Variants in DLG2 observed in about 807,000 individuals in gnomAD.
DLG2 encodes the protein discs large MAGUK scaffold protein 2.
A neutral mutation model predicts 132.5 loss-of-function variants in DLG2; 45 were observed. The ratio of observed to expected loss-of-function variants is 0.34; its 90% CI spans 0.27 to 0.44. The LOEUF is 0.44. Ranked by LOEUF, DLG2 falls within the 20% of genes least tolerant of loss-of-function variation. DLG2 has a pLI of 1.00. For synonymous variants in DLG2, 424 were observed against 419.6 expected, an observed-to-expected ratio of 1.01 and a Z score of -0.13; for missense variants, 1,045 against 1,196.9, an observed-to-expected ratio of 0.87 and a Z score of 1.87.
intron 5 of DLG2, among the ~76,000 whole-genome samples, chr11:85,128,424 A>G (rs190314626): frequency 4.7e-4 from 71 of 152,316 alleles, no homozygotes; most frequent in Admixed American, 9.2e-4. Flanking sequence ...GAAAAAGACA[A>G]TGGTGGCCAA....
In DLG2 at chr11:85,356,039, A is replaced by G. The variant is rs1596480971; in HGVS notation, c.41-70674T>C. ...TTTAGACCCAGAGCTTAGAGATGAA[A>G]GAATCTGAATCTCATTTTAAACTGC... On this transcript the variant is annotated intron_variant, in intron 3 of 27. Coordinates refer to ENST00000376104, the MANE Select transcript of DLG2 (RefSeq NM_001142699.3). Among the ~76,000 whole-genome samples the G allele has an allele frequency of 4.6e-5, 7 of 152,346 alleles. No individual in the cohort carries two copies. The South Asian group carries it at 1.4e-3, about 32-fold the overall frequency.
At chr11:83,768,684 G>T (rs1419953324) in intron 18 of DLG2, among the ~76,000 whole-genome samples, 1 of 152,184 alleles carries the variant, frequency 6.6e-6, no homozygotes, top group Non-Finnish European at 1.5e-5. Flanking sequence ...AGCACAACGT[G>T]GCTCAGCAGA....
chr11:84,861,788 T>C (rs1378721270), intron 6 of DLG2, among the ~76,000 whole-genome samples: 1 of 151,432 alleles, frequency 6.6e-6, no homozygotes, highest in African/African-American at 2.4e-5. Flanking sequence ...CATCAAAAAG[T>C]GGGCAAAGAA....
intron 6 of DLG2, among the ~76,000 whole-genome samples, chr11:84,909,100 T>G (rs535178919): frequency 2.6e-5 from 4 of 152,218 alleles, no homozygotes; most frequent in African/African-American, 7.2e-5. Flanking sequence ...ATTTCTTTTC[T>G]CGTCTTTGAA....
intron 8 of DLG2, among the ~76,000 whole-genome samples, chr11:84,240,497 TCAAAAGAGCC>T (rs1438922662): frequency 6.6e-6 from 1 of 152,162 alleles, no homozygotes; most frequent in Non-Finnish European, 1.5e-5. Context: ...TATGGTTGAA[TCAAAAGAGCC>T]CAGACTCCAT....
At chr11:84,357,889 C>G (rs1044568209) in intron 7 of DLG2, among the ~76,000 whole-genome samples, 10 of 151,698 alleles carry the variant, frequency 6.6e-5, no homozygotes, top group Non-Finnish European at 1.3e-4. Flanking sequence ...TCTTAATGTA[C>G]AGGAGGGTTA....
chr11:85,568,760 C>T lies in DLG2; in HGVS notation c.40+29897G>A, dbSNP rs544655321. On this transcript the variant is annotated intron_variant, in intron 3 of 27. Coordinates refer to ENST00000376104, the MANE Select transcript of DLG2 (RefSeq NM_001142699.3). Reference sequence around the variant, plus strand: ...TTCTGTAAGATCATTGTAAAGCTCACACTTTCAATCCTGATTTTAGTTATT... The same window carrying T: ...TTCTGTAAGATCATTGTAAAGCTCATACTTTCAATCCTGATTTTAGTTATT... 3.9e-5 allele frequency among the ~76,000 whole-genome samples: 6 copies of T among 152,024 alleles called. No individual in the cohort carries two copies. The South Asian group carries it at 1.0e-3, about 26-fold the overall frequency.
At chr11:85,385,726 G>A (rs1489042477) in intron 3 of DLG2, among the ~76,000 whole-genome samples, 1 of 152,136 alleles carries the variant, frequency 6.6e-6, no homozygotes, top group East Asian at 1.9e-4. Flanking sequence ...CTCCCCTGAG[G>A]CCAGAAGGGA....
chr11:83,652,463 T>A (rs768014341), intron 18 of DLG2, among the ~76,000 whole-genome samples: 21 of 152,104 alleles, frequency 1.4e-4, no homozygotes, highest in Non-Finnish European at 2.6e-4. Context: ...CTCCGCCTCC[T>A]GGGTTCAAGC....
chr11:84,040,472 T>C (rs1013593527), intron 11 of DLG2, among the ~76,000 whole-genome samples: 4 of 151,086 alleles, frequency 2.6e-5, no homozygotes, highest in African/African-American at 9.6e-5. Flanking sequence ...ATTTATTAAA[T>C]AGGGAATCCT....
chr11:84,692,750 G>A (rs958032502), intron 6 of DLG2, among the ~76,000 whole-genome samples: 3 of 151,624 alleles, frequency 2.0e-5, no homozygotes, highest in African/African-American at 7.3e-5. Context: ...TGGCCACTAT[G>A]TTAGGTTTAA....
chr11:84,853,024 G>A (rs1256891234), intron 6 of DLG2, among the ~76,000 whole-genome samples: 1 of 151,916 alleles, frequency 6.6e-6, no homozygotes, highest in Non-Finnish European at 1.5e-5. Flanking sequence ...TATGTTCCAG[G>A]TGCTTCACAC....
At chr11:83,836,070 T>C (rs2056086879) in intron 16 of DLG2, among the ~76,000 whole-genome samples, 1 of 152,196 alleles carries the variant, frequency 6.6e-6, no homozygotes, top group Non-Finnish European at 1.5e-5. Flanking sequence ...TAAATAGTTG[T>C]AGGCTGAGGC....
At chr11:84,273,280 T>G in intron 7 of DLG2, 1 of 1,317,894 alleles carries the variant, frequency 7.6e-7, no homozygotes, top group Non-Finnish European at 9.8e-7. Context: ...ACACTCAAAC[T>G]GAGCTCACAG....
At chr11:83,498,443 T>C (rs2094267231) in intron 21 of DLG2, among the ~76,000 whole-genome samples, 3 of 152,018 alleles carry the variant, frequency 2.0e-5, no homozygotes. Flanking sequence ...AGCAACACTC[T>C]CCTAACTAAC....
chr11:84,883,953 G>C (rs981443308), intron 6 of DLG2, among the ~76,000 whole-genome samples: 1 of 152,048 alleles, frequency 6.6e-6, no homozygotes, highest in Non-Finnish European at 1.5e-5. Context: ...GGTCCCATGA[G>C]ACTTCTTGTG....
chr11:85,522,994 G>T (rs1216924633), intron 3 of DLG2, among the ~76,000 whole-genome samples: 1 of 152,166 alleles, frequency 6.6e-6, no homozygotes, highest in Non-Finnish European at 1.5e-5. Context: ...CATGAGATTT[G>T]GGAGGAGACA....
At position 85,020,892 on chromosome 11, in the gene DLG2, T is replaced by C. The variant is rs1191944268; in HGVS notation, c.357+90769A>G. On this transcript the variant is annotated intron_variant, in intron 6 of 27. Transcript: ENST00000376104. ...TAGGTCCCCCTCCTCAGCAGAGTCA[T>C]GTGCATCCCCCTCCTCAGCAGGGTC... 6.5e-6 allele frequency: 5 copies of C among 767,384 alleles called. No individual in the cohort carries two copies. In the East Asian group the frequency reaches 9.8e-5, roughly 15 times the overall value. 47.5% of individuals were successfully genotyped at this position (767,384 alleles called of 1,614,324 possible).
At chr11:84,630,191 G>C (rs1043065306) in intron 6 of DLG2, among the ~76,000 whole-genome samples, 1 of 152,144 alleles carries the variant, frequency 6.6e-6, no homozygotes, top group Non-Finnish European at 1.5e-5. Context: ...CATCTATTTA[G>C]CCTCAGCAGA....
Sources: gnomAD v4.1 joint callset for allele counts (sites outside exome capture counted in the v4.1 genomes callset) on GRCh38, gnomAD v4.1.1 for gene constraint, MANE v1.5 for transcripts, NCBI Gene and HGNC (gene_info 2026-07-23, HGNC 2026-07-21) for gene names.